The following INPP4B variants were observed in gnomAD, a reference collection of about 807,000 sequenced individuals.
The protein encoded by INPP4B is inositol polyphosphate-4-phosphatase type II B.
In INPP4B, 55 loss-of-function variants were observed where a neutral mutation model predicts 122.5. The ratio of observed to expected loss-of-function variants is 0.45; its 90% CI spans 0.36 to 0.56. The LOEUF is 0.56. INPP4B is among the 20% of genes least tolerant of loss of function. The pLI, the probability that INPP4B is intolerant of heterozygous loss-of-function variation, is 0.00. For missense variants in INPP4B, 1,000 were observed against 1,097.7 expected, an observed-to-expected ratio of 0.91 and a Z score of 1.26; for synonymous variants, 403 against 388.7, an observed-to-expected ratio of 1.04 and a Z score of -0.43.
At position 142,039,148 on chromosome 4, in the gene INPP4B, A is replaced by G. The variant is rs115942584; in HGVS notation, c.2643-10234T>C. The stretch of plus-strand genomic sequence containing the variant: ...TGTGATTCTTTGATCCTATGAAAAC[A>G]TAACTGCAGTACTCCAGAGATGCAT... On this transcript the variant is annotated intron_variant, in intron 25 of 25. Coordinates refer to ENST00000262992, the MANE Select transcript of INPP4B (RefSeq NM_001101669.3). Among the ~76,000 whole-genome samples the G allele has an allele frequency of 1.4e-3, 208 of 152,296 alleles. 1 individual carries two copies. The highest frequency in any genetic ancestry group is 4.8e-3 in the African/African-American group (200 of 41,580).
At chr4:142,253,480 C>T (rs547891923) in intron 11 of INPP4B, among the ~76,000 whole-genome samples, 3 of 152,188 alleles carry the variant, frequency 2.0e-5, no homozygotes, top group East Asian at 1.9e-4. Context: ...AGAGTGGGCG[C>T]AGGTCAGTGG....
intron 2 of INPP4B, among the ~76,000 whole-genome samples, chr4:142,669,011 G>C (rs1401769844): frequency 6.6e-6 from 1 of 152,044 alleles, no homozygotes; most frequent in African/African-American, 2.4e-5. Context: ...AGCGGAGATT[G>C]CGCCACTGTG....
chr4:142,473,204 C>T (rs1819198697), intron 2 of INPP4B: 1 of 152,180 alleles, frequency 6.6e-6, no homozygotes, highest in African/African-American at 2.4e-5. Flanking sequence ...CTAGAAGCCG[C>T]TAACAAGTGC....
At chr4:142,432,872 T>C (rs955936546) in intron 3 of INPP4B, among the ~76,000 whole-genome samples, 6 of 152,136 alleles carry the variant, frequency 3.9e-5, no homozygotes, top group Admixed American at 3.9e-4. Flanking sequence ...ACACTATCGG[T>C]GAATAATTAA....
At position 142,627,905 on chromosome 4, in the gene INPP4B, T is replaced by C. The variant is rs577360280; in HGVS notation, c.-191+97934A>G. On this transcript the variant is annotated intron_variant, in intron 2 of 25. Coordinates refer to ENST00000262992, the MANE Select transcript of INPP4B (RefSeq NM_001101669.3). ...CCTGGACTCTTTTTGGTTGGTAAGCTATTGATTATTGCCACAATTTCAGAT... is the reference window on the plus strand; with the variant it reads ...CCTGGACTCTTTTTGGTTGGTAAGCCATTGATTATTGCCACAATTTCAGAT... Among the ~76,000 whole-genome samples the C allele has an allele frequency of 2.8e-4, 43 of 151,578 alleles. No homozygotes were observed. The South Asian group carries it at 7.3e-3, about 26-fold the overall frequency.
chr4:142,711,295 AC>A (rs1032478112), intron 2 of INPP4B, among the ~76,000 whole-genome samples: 5 of 151,938 alleles, frequency 3.3e-5, no homozygotes, highest in African/African-American at 4.8e-5. Flanking sequence ...ACGTACTCTG[AC>A]CCCCTTTCCA....
At chr4:142,174,604 T>G (rs2152954057) in intron 15 of INPP4B, among the ~76,000 whole-genome samples, 1 of 148,140 alleles carries the variant, frequency 6.8e-6, no homozygotes, top group South Asian at 2.3e-4. Context: ...AATCTAAAAT[T>G]GATTATTAAC....
chr4:142,291,444 G>A (rs1756430791), intron 9 of INPP4B, among the ~76,000 whole-genome samples: 1 of 152,128 alleles, frequency 6.6e-6, no homozygotes, highest in Admixed American at 6.5e-5. Context: ...AATGTACACG[G>A]CCATCGACAA....
intron 7 of INPP4B, among the ~76,000 whole-genome samples, chr4:142,323,502 G>C (rs1223503193): frequency 7.0e-6 from 1 of 143,792 alleles, no homozygotes; most frequent in African/African-American, 2.6e-5. Context: ...CTGGAGTGCA[G>C]TGGCACGATC....
intron 25 of INPP4B, 35 bp from the exon 26 acceptor site, chr4:142,028,949 C>T (rs1301949461): frequency 1.3e-6 from 2 of 1,593,796 alleles, no homozygotes; most frequent in East Asian, 2.2e-5. Flanking sequence ...CTTCATGAAA[C>T]ACAGAATAAA....
chr4:142,650,599 CAACAAAGATCAAAAGA>C lies in INPP4B; in HGVS notation c.-191+75224_-191+75239del, dbSNP rs567944933. 1.1e-3 allele frequency among the ~76,000 whole-genome samples: 170 copies of C among 150,442 alleles called. 1 individual carries two copies. The East Asian group carries it at 0.022, about 20-fold the overall frequency. On this transcript the variant is annotated intron_variant, in intron 2 of 25. Coordinates refer to ENST00000262992, the MANE Select transcript of INPP4B (RefSeq NM_001101669.3). ...GTCTCTGATGAAATAGACTTGAAACCAACAAAGATCAAAAGAGACAAAGAAGGCCATCACACAATGG... is the reference window on the plus strand; with the variant it reads ...GTCTCTGATGAAATAGACTTGAAACCGACAAAGAAGGCCATCACACAATGG...
chr4:142,062,465 G>C (rs943764646), intron 25 of INPP4B, among the ~76,000 whole-genome samples: 1 of 152,176 alleles, frequency 6.6e-6, no homozygotes, highest in Non-Finnish European at 1.5e-5. Flanking sequence ...GGGTGTGGTG[G>C]CTCATGCCTG....
rs189549406 is a variant in INPP4B at position 142,179,239 on chromosome 4, G to A, written c.1182-5430C>T. Among the ~76,000 whole-genome samples the A allele has an allele frequency of 7.7e-3, 1,173 of 152,126 alleles. 69 individuals are homozygous for A. The highest frequency in any genetic ancestry group is 0.072 in the Admixed American group (1,102 of 15,270). ...TGTAGTCCCAGCATTTTGGGAGGCC[G>A]AGGTGGGCAGCTTGCCTGAGTTCAG... On this transcript the variant is annotated intron_variant, in intron 15 of 25. Coordinates refer to ENST00000262992, the MANE Select transcript of INPP4B (RefSeq NM_001101669.3).
rs537378633 is a variant in INPP4B at position 142,079,924 on chromosome 4, T to C, written c.2642+2107A>G. Among the ~76,000 whole-genome samples the C allele has an allele frequency of 2.2e-4, 34 of 152,288 alleles. 1 individual carries two copies. In the South Asian group the frequency reaches 6.8e-3, roughly 31 times the overall value. ...AGGATCATAATTAGCTAGATTATACTGCACATGGAAAATCAGAGTATTAAC... is the reference window on the plus strand; with the variant it reads ...AGGATCATAATTAGCTAGATTATACCGCACATGGAAAATCAGAGTATTAAC... On this transcript the variant is annotated intron_variant, in intron 25 of 25. Transcript: ENST00000262992.
intron 2 of INPP4B, among the ~76,000 whole-genome samples, chr4:142,691,125 C>T (rs75153344): frequency 6.6e-6 from 1 of 152,066 alleles, no homozygotes; most frequent in Non-Finnish European, 1.5e-5. Flanking sequence ...CGCATCTCAG[C>T]CCCCCAATGT....
chr4:142,080,068 A>T (rs1468107014), intron 25 of INPP4B, among the ~76,000 whole-genome samples: 4 of 152,086 alleles, frequency 2.6e-5, no homozygotes, highest in African/African-American at 7.2e-5. Context: ...CACTCCTAAA[A>T]TGGAGCTACT....
chr4:142,270,614 G>A (rs1365734549), intron 10 of INPP4B, 49 bp downstream of exon 10: 1 of 1,274,802 alleles, frequency 7.8e-7, no homozygotes, highest in Non-Finnish European at 1.1e-6. Context: ...ATCTGGCAAA[G>A]CTGATCATTT....
At chr4:142,170,451 G>A (rs1169460710) in intron 16 of INPP4B, among the ~76,000 whole-genome samples, 1 of 151,614 alleles carries the variant, frequency 6.6e-6, no homozygotes, top group Non-Finnish European at 1.5e-5. Flanking sequence ...CATCCATATA[G>A]CAATCTGAAG....
chr4:142,112,537 C>T lies in INPP4B; in HGVS notation c.2276+5G>A. The T allele has an allele frequency of 6.2e-7, 1 of 1,612,630 alleles. No individual in the cohort carries two copies. The highest frequency in any genetic ancestry group is 8.5e-7 in the Non-Finnish European group (1 of 1,179,282). ...CTCAAGTGCGACTCTTACACCAAAG[C>T]TTACCTTTCAGCCAGAGTTTGCTGT... On this transcript the variant is annotated splice_donor_5th_base_variant and intron_variant, in intron 22 of 25. Coordinates refer to ENST00000262992, the MANE Select transcript of INPP4B (RefSeq NM_001101669.3).
Sources: allele counts gnomAD v4.1 joint callset (sites outside exome capture counted in the v4.1 genomes callset), GRCh38; gene constraint gnomAD v4.1.1; transcripts MANE v1.5; gene names NCBI Gene and HGNC (gene_info 2026-07-23, HGNC 2026-07-21).